Variants in MAST4 observed in about 807,000 individuals in gnomAD.
MAST4 encodes microtubule associated serine/threonine kinase family member 4, also known as microtubule-associated serine/threonine-protein kinase 4.
Under a neutral mutation model 162.7 loss-of-function variants are expected in MAST4, and 89 were observed. The ratio of observed to expected loss-of-function variants is 0.55; its 90% CI spans 0.46 to 0.65. The LOEUF (loss-of-function observed/expected upper bound fraction) is 0.65, where lower values mean the gene tolerates loss of function less well. Among genes scored for constraint, MAST4 ranks in the 30% least tolerant of loss-of-function variants. The pLI, the probability that MAST4 is intolerant of heterozygous loss-of-function variation, is 0.00. For missense variants in MAST4, 3,153 were observed against 3,374.0 expected, an observed-to-expected ratio of 0.93 and a Z score of 1.62; for synonymous variants, 1,479 against 1,361.1, an observed-to-expected ratio of 1.09 and a Z score of -1.91.
intron 1 of MAST4, among the ~76,000 whole-genome samples, chr5:66,663,721 A>G (rs1168272032): frequency 1.3e-5 from 2 of 152,200 alleles, no homozygotes; most frequent in African/African-American, 2.4e-5. Flanking sequence ...GGCAGATTAT[A>G]TAGGACCTGT....
chr5:66,660,025 A>AT (rs1050659870), intron 1 of MAST4, among the ~76,000 whole-genome samples: 54 of 151,970 alleles, frequency 3.6e-4, no homozygotes, highest in African/African-American at 1.1e-3. Context: ...ACAGATGGGT[A>AT]TTTTTTCTGG....
intron 4 of MAST4, among the ~76,000 whole-genome samples, chr5:66,935,787 C>T (rs1483241803): frequency 6.6e-6 from 1 of 151,974 alleles, no homozygotes; most frequent in Non-Finnish European, 1.5e-5. Flanking sequence ...CCTGCCTCAG[C>T]CTCCCAAGTA....
At chr5:67,108,787 T>C (rs989978870) in intron 10 of MAST4, among the ~76,000 whole-genome samples, 2 of 152,198 alleles carry the variant, frequency 1.3e-5, no homozygotes, top group Non-Finnish European at 2.9e-5. Context: ...TTTATAAATT[T>C]GATCTCTGCC....
At chr5:67,081,383 GT>G (rs1762633796) in intron 5 of MAST4, among the ~76,000 whole-genome samples, 1 of 151,864 alleles carries the variant, frequency 6.6e-6, no homozygotes, top group South Asian at 2.1e-4. Flanking sequence ...TCTTAATGCT[GT>G]TTTGAGAATA....
chr5:66,692,254 C>A (rs925796317), intron 1 of MAST4, among the ~76,000 whole-genome samples: 1 of 152,108 alleles, frequency 6.6e-6, no homozygotes, highest in African/African-American at 2.4e-5. Context: ...AACATTTAAC[C>A]TCAGTTCTAA....
At chr5:66,746,780 A>G (rs1477034526) in intron 1 of MAST4, among the ~76,000 whole-genome samples, 1 of 152,232 alleles carries the variant, frequency 6.6e-6, no homozygotes, top group Non-Finnish European at 1.5e-5. Flanking sequence ...TCAAGGAAAC[A>G]TCTAGAATAT....
At chr5:66,807,589 C>G (rs2149708197) in intron 3 of MAST4, among the ~76,000 whole-genome samples, 1 of 152,226 alleles carries the variant, frequency 6.6e-6, no homozygotes, top group African/African-American at 2.4e-5. Flanking sequence ...TTCATTCTTT[C>G]TATTTTTATG....
chr5:66,751,013 G>A (rs1225028684), intron 1 of MAST4, among the ~76,000 whole-genome samples: 1 of 152,152 alleles, frequency 6.6e-6, no homozygotes, highest in Non-Finnish European at 1.5e-5. Context: ...GCCTAACTGG[G>A]AGGCACCCCC....
chr5:66,762,008 T>C (rs1363708522), intron 2 of MAST4, among the ~76,000 whole-genome samples: 2 of 152,214 alleles, frequency 1.3e-5, no homozygotes, highest in African/African-American at 4.8e-5. Flanking sequence ...ATTCTATCCA[T>C]TTTTGCTAAA....
chr5:66,889,730 A>G (rs1762251985), intron 3 of MAST4, among the ~76,000 whole-genome samples: 1 of 152,208 alleles, frequency 6.6e-6, no homozygotes, highest in South Asian at 2.1e-4. Flanking sequence ...AAATAGTCAT[A>G]GCTAACACGA....
intron 1 of MAST4, among the ~76,000 whole-genome samples, chr5:66,710,732 T>C (rs1011653434): frequency 1.3e-5 from 2 of 152,206 alleles, no homozygotes; most frequent in Non-Finnish European, 1.5e-5. Context: ...GTCTTAACTT[T>C]CCCTTATTGT....
intron 3 of MAST4, among the ~76,000 whole-genome samples, chr5:66,794,674 T>C (rs1415997643): frequency 6.6e-6 from 1 of 152,208 alleles, no homozygotes; most frequent in Non-Finnish European, 1.5e-5. Flanking sequence ...CTGAAAAATA[T>C]CTTTCTAGAA....
At chr5:66,899,603 T>C (rs1026656780) in intron 3 of MAST4, among the ~76,000 whole-genome samples, 3 of 152,198 alleles carry the variant, frequency 2.0e-5, no homozygotes, top group Non-Finnish European at 4.4e-5. Context: ...CTACTTCTTA[T>C]AGTTAAATCC....
Position 66,657,130 on chromosome 5 carries a change from T to C in MAST4, c.363+60112T>C, listed in dbSNP as rs193242728. On this transcript the variant is annotated intron_variant, in intron 1 of 28. Transcript: ENST00000403625. ...CAGAGGTTTTATGAATTATTTCTAC[T>C]TCATGGATTGATTGCTGATCAGCTG... is the stretch of plus-strand genomic sequence containing the variant. Among the ~76,000 whole-genome samples, 35 of 152,374 alleles carry C rather than the reference T, an allele frequency of 2.3e-4. No homozygotes were observed. In the East Asian group the frequency reaches 3.7e-3, roughly 16 times the overall value.
intron 4 of MAST4, among the ~76,000 whole-genome samples, chr5:66,985,469 A>G (rs966951994): frequency 2.0e-5 from 3 of 152,178 alleles, no homozygotes; most frequent in African/African-American, 7.2e-5. Context: ...GATCTTTGAA[A>G]GGTACGGAAG....
At chr5:66,747,237 G>A (rs1236848798) in intron 1 of MAST4, among the ~76,000 whole-genome samples, 2 of 152,066 alleles carry the variant, frequency 1.3e-5, no homozygotes, top group Non-Finnish European at 2.9e-5. Context: ...AGGGAACAGA[G>A]AAAATCAATT....
At chr5:66,613,010 T>TTTA (rs1743393102) in intron 1 of MAST4, among the ~76,000 whole-genome samples, 1 of 152,236 alleles carries the variant, frequency 6.6e-6, no homozygotes, top group Admixed American at 6.5e-5. Flanking sequence ...TATGGCTTTG[T>TTTA]ATCTTATCAA....
At chr5:66,788,607 C>CCCAGCAAAAAAACAAAAAA in intron 2 of MAST4, 63 bp from the exon 3 acceptor site, 1 of 1,373,728 alleles carries the variant, frequency 7.3e-7, no homozygotes, top group Non-Finnish European at 1.0e-6. Context: ...CCCCCACCCC[C>CCCAGCAAAAAAACAAAAAA]ATTGCAATAA....
intron 7 of MAST4, among the ~76,000 whole-genome samples, chr5:67,098,692 G>A (rs1764709599): frequency 6.6e-6 from 1 of 152,106 alleles, no homozygotes. Context: ...AGAACTAGCA[G>A]CATAATTTTT....
Sources: allele counts gnomAD v4.1 joint callset (sites outside exome capture counted in the v4.1 genomes callset), GRCh38; gene constraint gnomAD v4.1.1; transcripts MANE v1.5; gene names NCBI Gene and HGNC (gene_info 2026-07-23, HGNC 2026-07-21).